CADPS: variants seen among roughly 807,000 people sequenced by gnomAD.
CADPS encodes the protein calcium-dependent secretion activator 1.
In CADPS, 57 loss-of-function variants were observed where a neutral mutation model predicts 167.3. The ratio of observed to expected loss-of-function variants is 0.34; its 90% CI spans 0.28 to 0.42. The LOEUF is 0.42. Ranked by LOEUF, CADPS falls within the 20% of genes least tolerant of loss-of-function variation. The probability of loss-of-function intolerance (pLI) is 1.00; values close to 1 mark genes in which losing one functional copy is unlikely to be tolerated. For missense variants in CADPS, 1,414 were observed against 1,738.1 expected (o/e 0.81, Z 3.32); for synonymous variants, 676 against 635.3 (o/e 1.06, Z -0.96).
At chr3:62,636,560 G>A (rs1355568839) in intron 6 of CADPS, among the ~76,000 whole-genome samples, 1 of 152,198 alleles carries the variant, frequency 6.6e-6, no homozygotes, top group East Asian at 1.9e-4. Context: ...AAGATGCTGT[G>A]TCCTCCCCGA....
In CADPS at chr3:62,783,738, G is replaced by A. The variant is rs376090214; in HGVS notation, c.442-17754C>T. On this transcript the variant is annotated intron_variant, in intron 1 of 29. Coordinates refer to ENST00000383710, the MANE Select transcript of CADPS (RefSeq NM_003716.4). ...TTAAATAACAATTTTGTCTCCACACGCTCAAGTACTGTACAAGTATAAAAG... is the reference window on the plus strand; with the variant it reads ...TTAAATAACAATTTTGTCTCCACACACTCAAGTACTGTACAAGTATAAAAG... Among the ~76,000 whole-genome samples the A allele has an allele frequency of 3.3e-4, 50 of 152,250 alleles. 1 individual carries two copies. Among genetic ancestry groups the A allele is most frequent in the African/African-American group, 1.2e-3 (48 of 41,564 alleles).
intron 3 of CADPS, among the ~76,000 whole-genome samples, chr3:62,721,046 T>G (rs946422195): frequency 6.7e-6 from 1 of 149,798 alleles, no homozygotes; most frequent in Non-Finnish European, 1.5e-5. Context: ...ATCAATCTCC[T>G]GACCTCGTGA....
chr3:62,727,295 T>C (rs1292599846), intron 3 of CADPS, among the ~76,000 whole-genome samples: 5 of 151,848 alleles, frequency 3.3e-5, no homozygotes, highest in Admixed American at 2.0e-4. Context: ...CCTGCAACAA[T>C]ATAAATAAAG....
intron 5 of CADPS, among the ~76,000 whole-genome samples, chr3:62,650,413 T>C (rs1159005572): frequency 1.3e-5 from 2 of 152,130 alleles, no homozygotes; most frequent in Non-Finnish European, 2.9e-5. Flanking sequence ...GGAGCTGAGA[T>C]AAACTAAAAA....
At chr3:62,405,431 G>A (rs753083237) in intron 28 of CADPS, among the ~76,000 whole-genome samples, 3 of 143,056 alleles carry the variant, frequency 2.1e-5, no homozygotes, top group Non-Finnish European at 4.5e-5. Context: ...TTTGCTGAGA[G>A]ACGTGCCACC....
intron 18 of CADPS, 32 bp downstream of exon 18, chr3:62,499,130 A>C: frequency 7.3e-7 from 1 of 1,371,292 alleles, no homozygotes; most frequent in Non-Finnish European, 1.0e-6. Context: ...GCTAAGGGAC[A>C]GTAAGATACA....
At chr3:62,586,849 C>G (rs2084758405) in intron 7 of CADPS, among the ~76,000 whole-genome samples, 1 of 152,012 alleles carries the variant, frequency 6.6e-6, no homozygotes, top group Non-Finnish European at 1.5e-5. Context: ...ATAAAATATA[C>G]AAAAATCAAA....
At chr3:62,810,941 A>G (rs749865804) in intron 1 of CADPS, among the ~76,000 whole-genome samples, 5 of 152,230 alleles carry the variant, frequency 3.3e-5, no homozygotes, top group Non-Finnish European at 5.9e-5. Flanking sequence ...ATTCAAATGA[A>G]CCTGATACAA....
chr3:62,681,883 G>T lies in CADPS; in HGVS notation c.889-19489C>A, dbSNP rs111954133. Among the ~76,000 whole-genome samples the T allele has an allele frequency of 1.4e-3, 216 of 152,168 alleles. 1 individual carries two copies. The highest frequency in any genetic ancestry group is 4.4e-3 in the African/African-American group (182 of 41,500). The stretch of plus-strand genomic sequence containing the variant: ...CAGGTAGGGGAAAATAAAGGGTGCT[G>T]GGTGTGGATGAAAACTGAGGGAGAA... On this transcript the variant is annotated intron_variant, in intron 3 of 29. Transcript: ENST00000383710.
intron 1 of CADPS, among the ~76,000 whole-genome samples, chr3:62,775,479 T>C (rs1250966770): frequency 6.6e-6 from 1 of 152,216 alleles, no homozygotes; most frequent in African/African-American, 2.4e-5. Flanking sequence ...TATGACTTAA[T>C]ATTGCCACTG....
intron 6 of CADPS, among the ~76,000 whole-genome samples, chr3:62,593,543 G>A (rs1019844458): frequency 1.3e-5 from 2 of 152,170 alleles, no homozygotes; most frequent in Admixed American, 6.5e-5. Context: ...TAACTGGATT[G>A]CACTGAGCCC....
At chr3:62,799,598 A>G (rs1297729100) in intron 1 of CADPS, among the ~76,000 whole-genome samples, 1 of 152,184 alleles carries the variant, frequency 6.6e-6, no homozygotes, top group Non-Finnish European at 1.5e-5. Flanking sequence ...CCTGCACTCA[A>G]GTGTTGGCTC....
chr3:62,404,183 ATATT>A (rs1420437157), intron 28 of CADPS: 1 of 152,430 alleles, frequency 6.6e-6, no homozygotes, highest in African/African-American at 2.4e-5. Flanking sequence ...ATGGACCTAT[ATATT>A]TATTTATAGG....
chr3:62,418,641 GATAA>G (rs993586721), intron 28 of CADPS, among the ~76,000 whole-genome samples: 16 of 151,638 alleles, frequency 1.1e-4, no homozygotes, highest in African/African-American at 3.2e-4. Context: ...AAGCCCGGCT[GATAA>G]ATAATGTTTT....
At chr3:62,803,568 C>T (rs188898372) in intron 1 of CADPS, among the ~76,000 whole-genome samples, 5 of 152,132 alleles carry the variant, frequency 3.3e-5, no homozygotes, top group Admixed American at 2.6e-4. Flanking sequence ...ATGAGAAACC[C>T]TGATATATAA....
intron 10 of CADPS, 44 bp from the exon 11 acceptor site, chr3:62,550,159 A>G (rs758802298): frequency 1.3e-5 from 19 of 1,514,636 alleles, no homozygotes; most frequent in Non-Finnish European, 1.7e-5. Context: ...CTGAGCTGTG[A>G]TGTTCTCAAC....
chr3:62,540,531 A>T (rs2075515261), intron 11 of CADPS, among the ~76,000 whole-genome samples: 1 of 152,066 alleles, frequency 6.6e-6, no homozygotes, highest in South Asian at 2.1e-4. Flanking sequence ...TATCTTGCAA[A>T]TCCAAAAGTA....
rs1370973163 is a variant in CADPS, at chr3:62,764,604, T to C, written c.555+1267A>G. On this transcript the variant is annotated intron_variant, in intron 2 of 29. Transcript: ENST00000383710. ...ACAAGATCTAATTGCAGTCTTACTC[T>C]CTCCATGAAGGAAGGAGTCAAGTGC... 3.9e-5 allele frequency among the ~76,000 whole-genome samples: 6 copies of C among 152,288 alleles called. No individual in the cohort carries two copies. The East Asian group carries it at 1.2e-3, about 29-fold the overall frequency.
chr3:62,874,611 T>C lies in CADPS; in HGVS notation c.419A>G (p.Asp140Gly). The stretch of plus-strand genomic sequence containing the variant: ...TACCTTCTGCTGCCGGCGAGCCATG[T>C]CGGTGGGCTGCTTGGCATTAAAGGG... ...AYPFNAKQPT[D>G]MARRQQKISK... The change falls in exon 1 of 30, where the codon GAC becomes GGC. Residue 140 changes from aspartate (D) to glycine (G), a missense_variant. Coordinates refer to ENST00000383710, the MANE Select transcript of CADPS (RefSeq NM_003716.4). This position sits in a 1 kb window ranked among gnomAD's most constrained non-coding sequence, Gnocchi z 7.1. The C allele has an allele frequency of 1.3e-6, 2 of 1,557,762 alleles. No homozygotes were observed. Among genetic ancestry groups the C allele is most frequent in the Non-Finnish European group, 1.7e-6 (2 of 1,150,138 alleles).
Sources: gnomAD v4.1 joint callset for allele counts (sites outside exome capture counted in the v4.1 genomes callset) on GRCh38, gnomAD v4.1.1 for gene constraint, Gnocchi (gnomAD v3.1) non-coding constraint, MANE v1.5 for transcripts, NCBI Gene and HGNC (gene_info 2026-07-23, HGNC 2026-07-21) for gene names.